RABGAP1L: variants seen among roughly 807,000 people sequenced by gnomAD.
RABGAP1L encodes the protein rab GTPase-activating protein 1-like.
Under a neutral mutation model 137.7 loss-of-function variants are expected in RABGAP1L, and 63 were observed. That is an observed-to-expected ratio of 0.46 (90% CI 0.37 to 0.56). RABGAP1L has a LOEUF of 0.56. RABGAP1L is among the 20% of genes least tolerant of loss of function. RABGAP1L has a pLI of 0.00. For missense variants in RABGAP1L, 1,095 were observed against 1,244.0 expected (o/e 0.88, Z 1.80); for synonymous variants, 431 against 433.7 (o/e 0.99, Z 0.08).
At chr1:174,525,621 A>G (rs1336452329) in intron 13 of RABGAP1L, among the ~76,000 whole-genome samples, 2 of 152,036 alleles carry the variant, frequency 1.3e-5, no homozygotes, top group Admixed American at 6.5e-5. Context: ...TCCAATTTGT[A>G]TGTCTTTTAT....
intron 19 of RABGAP1L, among the ~76,000 whole-genome samples, chr1:174,923,758 G>A (rs955383058): frequency 5.3e-5 from 8 of 151,904 alleles, no homozygotes; most frequent in African/African-American, 1.7e-4. Flanking sequence ...GCACGTGCCT[G>A]TAATCCCAGC....
intron 17 of RABGAP1L, among the ~76,000 whole-genome samples, chr1:174,750,142 GATAAAAT>G (rs1361909429): frequency 1.3e-5 from 2 of 152,152 alleles, no homozygotes; most frequent in Non-Finnish European, 2.9e-5. Flanking sequence ...GTGCTTTTGG[GATAAAAT>G]AGTTTGGTTT....
At chr1:174,858,695 G>GC (rs1350007834) in intron 19 of RABGAP1L, among the ~76,000 whole-genome samples, 3 of 152,142 alleles carry the variant, frequency 2.0e-5, no homozygotes, top group Non-Finnish European at 4.4e-5. Flanking sequence ...CCAACTGCTT[G>GC]CTGACTCTTG....
chr1:174,433,948 A>G (rs1201071424), intron 13 of RABGAP1L, among the ~76,000 whole-genome samples: 1 of 152,154 alleles, frequency 6.6e-6, no homozygotes, highest in Non-Finnish European at 1.5e-5. Flanking sequence ...TAACTTACAC[A>G]GGTCTTAAAT....
intron 18 of RABGAP1L, among the ~76,000 whole-genome samples, chr1:174,769,574 G>A (rs919163622): frequency 9.2e-5 from 14 of 152,240 alleles, no homozygotes; most frequent in African/African-American, 2.9e-4. Flanking sequence ...TGAGTTTTGG[G>A]GAAAGGCTAT....
At chr1:174,539,164 T>C (rs1665144418) in intron 13 of RABGAP1L, among the ~76,000 whole-genome samples, 2 of 152,152 alleles carry the variant, frequency 1.3e-5, no homozygotes, top group African/African-American at 2.4e-5. Flanking sequence ...ATTATTTTTA[T>C]TATATTTTCA....
At chr1:174,661,813 C>T (rs1676391843) in intron 14 of RABGAP1L, among the ~76,000 whole-genome samples, 2 of 152,094 alleles carry the variant, frequency 1.3e-5, no homozygotes. Flanking sequence ...CACCCAGTGA[C>T]ATCATAGCAT....
chr1:174,768,973 C>G (rs55844798), intron 18 of RABGAP1L, among the ~76,000 whole-genome samples: 32,948 of 151,976 alleles, frequency 0.22, 3,866 homozygotes, highest in Admixed American at 0.25. Context: ...TACCCTCTAT[C>G]AGAAAAGTTT....
At chr1:174,747,692 A>C (rs1683994659) in intron 17 of RABGAP1L, among the ~76,000 whole-genome samples, 1 of 152,050 alleles carries the variant, frequency 6.6e-6, no homozygotes, top group Non-Finnish European at 1.5e-5. Flanking sequence ...ATCATTATCT[A>C]CTTTTTATTT....
intron 11 of RABGAP1L, among the ~76,000 whole-genome samples, chr1:174,313,944 A>G (rs1679115704): frequency 6.6e-6 from 1 of 152,162 alleles, no homozygotes; most frequent in East Asian, 1.9e-4. Flanking sequence ...AGTATTTATC[A>G]GAGATATTGG....
At chr1:174,611,715 A>G (rs1307301779) in intron 13 of RABGAP1L, among the ~76,000 whole-genome samples, 10 of 151,610 alleles carry the variant, frequency 6.6e-5, no homozygotes, top group Admixed American at 3.3e-4. Context: ...ATTTGTTTGT[A>G]TCCTCTTTTA....
chr1:174,337,645 A>T (rs1402389635), intron 11 of RABGAP1L, among the ~76,000 whole-genome samples: 7 of 152,136 alleles, frequency 4.6e-5, no homozygotes, highest in African/African-American at 1.7e-4. Flanking sequence ...GTCTCATTTG[A>T]GGGGATAAAA....
At position 174,199,549 on chromosome 1, in the gene RABGAP1L, C is replaced by A. The variant is rs553482477; in HGVS notation, c.-33-19576C>A. ...GCAAGTGATCCGCCCATTTTGGCTT[C>A]CCAAAGTGCTGGGATTACAGATGTG... On this transcript the variant is annotated intron_variant, in intron 1 of 25. Transcript: ENST00000681986. 2.0e-5 allele frequency among the ~76,000 whole-genome samples: 3 copies of A among 152,300 alleles called. No individual in the cohort carries two copies. In the South Asian group the frequency reaches 6.2e-4, roughly 32 times the overall value.
chr1:174,749,142 C>G (rs1684128593), intron 17 of RABGAP1L, among the ~76,000 whole-genome samples: 1 of 149,364 alleles, frequency 6.7e-6, no homozygotes, highest in South Asian at 2.1e-4. Flanking sequence ...CACCACTGCA[C>G]TCTAGCCTGG....
At chr1:174,479,706 A>T (rs575289210) in intron 13 of RABGAP1L, among the ~76,000 whole-genome samples, 3 of 152,312 alleles carry the variant, frequency 2.0e-5, no homozygotes, top group African/African-American at 7.2e-5. Flanking sequence ...AATATAATTT[A>T]CTAGGTGTAT....
chr1:174,188,267 C>T (rs141402579), intron 1 of RABGAP1L, among the ~76,000 whole-genome samples: 1,573 of 152,162 alleles, frequency 0.01, 19 homozygotes, highest in Non-Finnish European at 0.016. Context: ...TTAAAATTCT[C>T]GTGCTGAAAT....
At chr1:174,277,916 A>C (rs1276405202) in intron 9 of RABGAP1L, among the ~76,000 whole-genome samples, 1 of 152,200 alleles carries the variant, frequency 6.6e-6, no homozygotes, top group Admixed American at 6.5e-5. Context: ...GAATTTGAGA[A>C]GTAGTTGATG....
intron 18 of RABGAP1L, among the ~76,000 whole-genome samples, chr1:174,770,642 T>C (rs1453695057): frequency 6.6e-6 from 1 of 152,232 alleles, no homozygotes; most frequent in Non-Finnish European, 1.5e-5. Context: ...TCTATTTTTG[T>C]GAGCAAAATA....
chr1:174,957,497 A>G lies in RABGAP1L; in HGVS notation c.2381A>G (p.Gln794Arg). Residue 794 changes from glutamine (Q) to arginine (R), a missense_variant, in exon 20 of 26, where the codon CAG becomes CGG. By Grantham distance (43) the Gln-to-Arg change is conservative. Transcript: ENST00000681986. Reference sequence around the variant, plus strand: ...CTGAAGAAATATGAGAAAGAATATCAGACAATGCGAGAGAGTCAGCTGCAA... The same window carrying G: ...CTGAAGAAATATGAGAAAGAATATCGGACAATGCGAGAGAGTCAGCTGCAA... Reference protein sequence around the residue: ...KKLKKYEKEYQTMRESQLQQE... With the variant: ...KKLKKYEKEYRTMRESQLQQE... The G allele has an allele frequency of 2.5e-6, 4 of 1,613,730 alleles. No individual in the cohort carries two copies. The highest frequency in any genetic ancestry group is 2.5e-6 in the Non-Finnish European group (3 of 1,179,650).
Sources: gnomAD v4.1 joint callset for allele counts (sites outside exome capture counted in the v4.1 genomes callset) on GRCh38, gnomAD v4.1.1 for gene constraint, MANE v1.5 for transcripts, NCBI Gene and HGNC (gene_info 2026-07-23, HGNC 2026-07-21) for gene names.